The following NRXN1 variants were observed in gnomAD, a reference collection of about 807,000 sequenced individuals.
NRXN1 encodes the protein neurexin-1.
A neutral mutation model predicts 150.9 loss-of-function variants in NRXN1; 39 were observed. That is an observed-to-expected ratio of 0.26 (90% CI 0.20 to 0.34). The LOEUF is 0.34. Among genes scored for constraint, NRXN1 ranks in the 10% least tolerant of loss-of-function variants. The pLI is 1.00. For missense variants in NRXN1, 1,815 were observed against 1,949.9 expected (o/e 0.93, Z 1.30); for synonymous variants, 924 against 757.0 (o/e 1.22, Z -3.62).
At chr2:50,749,792 A>AATTT (rs1700386593) in intron 5 of NRXN1, among the ~76,000 whole-genome samples, 1 of 152,108 alleles carries the variant, frequency 6.6e-6, no homozygotes, top group African/African-American at 2.4e-5. Flanking sequence ...TTTACAAATG[A>AATTT]GTAAGGTGAA....
At chr2:50,802,537 G>A (rs1384618696) in intron 5 of NRXN1, among the ~76,000 whole-genome samples, 1 of 141,724 alleles carries the variant, frequency 7.1e-6, no homozygotes, top group African/African-American at 2.6e-5. Flanking sequence ...AAGGAAGGAA[G>A]GAAGGAAGGA....
At chr2:50,940,994 T>C (rs1317373305) in intron 2 of NRXN1, among the ~76,000 whole-genome samples, 1 of 152,158 alleles carries the variant, frequency 6.6e-6, no homozygotes, top group East Asian at 1.9e-4. Context: ...TGTTGGGAGA[T>C]TGGCCTGATG....
At chr2:49,985,124 G>C (rs1680679518) in intron 21 of NRXN1, among the ~76,000 whole-genome samples, 1 of 152,132 alleles carries the variant, frequency 6.6e-6, no homozygotes, top group Admixed American at 6.6e-5. Flanking sequence ...CATAAAATGA[G>C]AGTAACAGCA....
chr2:50,457,427 C>T lies in NRXN1; in HGVS notation c.3364+8015G>A, dbSNP rs902196675. The stretch of plus-strand genomic sequence containing the variant: ...AAAAGAATATGGCCTTGAAGGCAGA[C>T]GCATTCAAGTTCTGTTTGTGCCAAC... On this transcript the variant is annotated intron_variant, in intron 17 of 22. Transcript: ENST00000401669. Among the ~76,000 whole-genome samples, 18 of 152,120 alleles carry T rather than the reference C, an allele frequency of 1.2e-4. 1 individual carries two copies. Among genetic ancestry groups the T allele is most frequent in the South Asian group, 4.1e-4 (2 of 4,828 alleles).
intron 17 of NRXN1, among the ~76,000 whole-genome samples, chr2:50,422,776 A>G (rs1005786664): frequency 5.9e-5 from 9 of 152,334 alleles, no homozygotes; most frequent in Non-Finnish European, 1.0e-4. Context: ...TGGTAACACA[A>G]CAAAAATTGA....
chr2:50,753,953 C>T (rs539201414), intron 5 of NRXN1, among the ~76,000 whole-genome samples: 21 of 100,932 alleles, frequency 2.1e-4, no homozygotes, highest in South Asian at 1.5e-3. Flanking sequence ...TTCATCATGA[C>T]GATTTTTTTT....
intron 5 of NRXN1, among the ~76,000 whole-genome samples, chr2:50,809,985 T>C (rs1668002316): frequency 6.6e-6 from 1 of 152,200 alleles, no homozygotes; most frequent in African/African-American, 2.4e-5. Flanking sequence ...ATTTCTTCAC[T>C]GAACCTACTA....
At chr2:50,668,780 T>C (rs1454650018) in intron 5 of NRXN1, among the ~76,000 whole-genome samples, 1 of 151,998 alleles carries the variant, frequency 6.6e-6, no homozygotes, top group African/African-American at 2.4e-5. Flanking sequence ...ATCAGTTTTG[T>C]GCCTTAGAGA....
chr2:50,730,679 T>TC (rs1369061328), intron 5 of NRXN1, among the ~76,000 whole-genome samples: 1 of 145,890 alleles, frequency 6.9e-6, no homozygotes, highest in East Asian at 2.0e-4. Context: ...TTTCTTTTTT[T>TC]TTTTTTTTTT....
chr2:50,292,975 C>T (rs1016073973), intron 17 of NRXN1, among the ~76,000 whole-genome samples: 5 of 152,062 alleles, frequency 3.3e-5, no homozygotes, highest in South Asian at 2.1e-4. Context: ...TGAGCTGGTT[C>T]GATATAAAGT....
At chr2:50,555,635 T>C (rs544489351) in intron 8 of NRXN1, among the ~76,000 whole-genome samples, 1 of 152,294 alleles carries the variant, frequency 6.6e-6, no homozygotes, top group South Asian at 2.1e-4. Flanking sequence ...TAAATATTTG[T>C]TTATAGTTGA....
intron 17 of NRXN1, among the ~76,000 whole-genome samples, chr2:50,402,727 T>C (rs1015875387): frequency 1.3e-5 from 2 of 152,138 alleles, no homozygotes; most frequent in Non-Finnish European, 2.9e-5. Flanking sequence ...AGGATTGTTT[T>C]ATGCGTGAAG....
chr2:50,825,921 G>T (rs1046026232), intron 5 of NRXN1, among the ~76,000 whole-genome samples: 1 of 152,182 alleles, frequency 6.6e-6, no homozygotes, highest in Non-Finnish European at 1.5e-5. Context: ...ATGTTTGGGG[G>T]AAAACCCCCA....
chr2:50,963,525 G>A (rs1693540617), intron 2 of NRXN1, among the ~76,000 whole-genome samples: 1 of 151,540 alleles, frequency 6.6e-6, no homozygotes, highest in Non-Finnish European at 1.5e-5. Context: ...TTCCCCAATT[G>A]ACAAATTTAT....
intron 18 of NRXN1, among the ~76,000 whole-genome samples, chr2:50,163,199 A>G (rs1262505432): frequency 7.2e-6 from 1 of 139,018 alleles, no homozygotes; most frequent in Non-Finnish European, 1.6e-5. Flanking sequence ...ACAATACTAA[A>G]TGTAGTATCT....
intron 17 of NRXN1, among the ~76,000 whole-genome samples, chr2:50,325,394 C>T (rs1415099109): frequency 1.3e-5 from 2 of 152,160 alleles, no homozygotes; most frequent in Admixed American, 6.5e-5. Context: ...GGTCCCATGG[C>T]GGAGCTACAG....
chr2:50,860,357 A>T (rs1458465409), intron 5 of NRXN1, among the ~76,000 whole-genome samples: 1 of 152,054 alleles, frequency 6.6e-6, no homozygotes, highest in Admixed American at 6.6e-5. Flanking sequence ...TCGTATTTTT[A>T]TTCTGTTTAT....
chr2:51,019,277 CACTGAT>C (rs1427379466), intron 2 of NRXN1, among the ~76,000 whole-genome samples: 1 of 152,022 alleles, frequency 6.6e-6, no homozygotes, highest in African/African-American at 2.4e-5. Context: ...ACAGTTTTCT[CACTGAT>C]AAAATCGATA....
At chr2:50,670,439 T>A (rs1312182860) in intron 5 of NRXN1, among the ~76,000 whole-genome samples, 1 of 151,948 alleles carries the variant, frequency 6.6e-6, no homozygotes, top group East Asian at 1.9e-4. Flanking sequence ...TTTTAAAAAA[T>A]AATTTTAGAT....
Sources: gnomAD v4.1 joint callset for allele counts (sites outside exome capture counted in the v4.1 genomes callset) on GRCh38, gnomAD v4.1.1 for gene constraint, MANE v1.5 for transcripts, NCBI Gene and HGNC (gene_info 2026-07-23, HGNC 2026-07-21) for gene names.